The following CEP85L variants were observed in gnomAD, a reference collection of about 807,000 sequenced individuals.
The protein encoded by CEP85L is centrosomal protein of 85 kDa-like.
Under a neutral mutation model 100.3 loss-of-function variants are expected in CEP85L, and 60 were observed. That is an observed-to-expected ratio of 0.60 (90% CI 0.49 to 0.74). The LOEUF is 0.74. Ranked by LOEUF, CEP85L falls within the 30% of genes least tolerant of loss-of-function variation. The pLI is 0.00. For synonymous variants in CEP85L, 319 were observed against 322.7 expected (o/e 0.99, Z 0.12); for missense variants, 973 against 936.2 (o/e 1.04, Z -0.51).
At chr6:118,495,824 A>G (rs1774882227) in intron 5 of CEP85L, among the ~76,000 whole-genome samples, 1 of 152,238 alleles carries the variant, frequency 6.6e-6, no homozygotes, top group African/African-American at 2.4e-5. Flanking sequence ...ATATTGAGGC[A>G]CAGTTGTTAA....
At chr6:118,580,267 C>T (rs1253536748) in intron 2 of CEP85L, among the ~76,000 whole-genome samples, 4 of 152,162 alleles carry the variant, frequency 2.6e-5, no homozygotes, top group African/African-American at 7.2e-5. Context: ...TCCATGTCGT[C>T]GTATTTAAAC....
chr6:118,466,242 G>C (rs775293120), intron 12 of CEP85L, among the ~76,000 whole-genome samples: 1 of 152,156 alleles, frequency 6.6e-6, no homozygotes, highest in African/African-American at 2.4e-5. Flanking sequence ...AAATCAGGCA[G>C]AGCCAGTGAT....
At chr6:118,600,370 T>TGTGTGTGTGTGTGTGTGTGTG (rs58066356) in intron 2 of CEP85L, among the ~76,000 whole-genome samples, 2 of 86,366 alleles carry the variant, frequency 2.3e-5, no homozygotes, top group African/African-American at 4.2e-5. Context: ...TGTGTGTGTG[T>TGTGTGTGTGTGTGTGTGTGTG]AACGCCATGG....
At chr6:118,569,341 C>CAAAAAAAAAAAAAAAAAAAAAAAAAAAA (rs56123225) in intron 2 of CEP85L, among the ~76,000 whole-genome samples, 3 of 68,198 alleles carry the variant, frequency 4.4e-5, no homozygotes, top group African/African-American at 2.0e-4. Flanking sequence ...GACTCTGTCT[C>CAAAAAAAAAAAAAAAAAAAAAAAAAAAA]AAAAAAAAAA....
chr6:118,611,310 C>A (rs1401378967), intron 2 of CEP85L, among the ~76,000 whole-genome samples: 1 of 152,086 alleles, frequency 6.6e-6, no homozygotes, highest in Admixed American at 6.6e-5. Context: ...AACTGTGATA[C>A]ATATGTATAT....
At chr6:118,493,003 C>T (rs145041576) in intron 5 of CEP85L, among the ~76,000 whole-genome samples, 438 of 152,186 alleles carry the variant, frequency 2.9e-3, no homozygotes, top group Non-Finnish European at 5.0e-3. Flanking sequence ...TAATCAGAGA[C>T]ATGAGAAGCC....
chr6:118,693,169 G>A (rs1232422585), intron 1 of CEP85L, among the ~76,000 whole-genome samples: 1 of 152,182 alleles, frequency 6.6e-6, no homozygotes, highest in African/African-American at 2.4e-5. Flanking sequence ...TAAGAATGCT[G>A]CCCATTTGCT....
intron 1 of CEP85L, among the ~76,000 whole-genome samples, chr6:118,689,922 T>TA (rs1234079269): frequency 2.0e-5 from 3 of 151,658 alleles, no homozygotes; most frequent in Non-Finnish European, 4.4e-5. Context: ...CCTGCTTTTT[T>TA]TTTTTTTTTT....
intron 2 of CEP85L, among the ~76,000 whole-genome samples, chr6:118,613,044 TC>T (rs1772756040): frequency 6.6e-6 from 1 of 150,802 alleles, no homozygotes; most frequent in African/African-American, 2.4e-5. Flanking sequence ...CATGGAGAAA[TC>T]CCCTCTACTA....
intron 2 of CEP85L, among the ~76,000 whole-genome samples, chr6:118,601,910 A>G (rs909115531): frequency 1.5e-4 from 23 of 152,266 alleles, no homozygotes; most frequent in Admixed American, 1.2e-3. Flanking sequence ...TATGACCTGT[A>G]GTTTGTACTG....
intron 3 of CEP85L, among the ~76,000 whole-genome samples, chr6:118,552,681 G>A (rs957430862): frequency 3.4e-5 from 5 of 149,138 alleles, no homozygotes; most frequent in African/African-American, 4.9e-5. Context: ...AATTTCCAGC[G>A]TTACTTTTCT....
At chr6:118,680,884 A>AG (rs1776636668) in intron 1 of CEP85L, among the ~76,000 whole-genome samples, 1 of 151,970 alleles carries the variant, frequency 6.6e-6, no homozygotes, top group Admixed American at 6.6e-5. Context: ...TCAAAAAAAA[A>AG]AAGACACTCT....
At chr6:118,474,794 A>G (rs1442275200) in intron 10 of CEP85L, among the ~76,000 whole-genome samples, 1 of 152,180 alleles carries the variant, frequency 6.6e-6, no homozygotes, top group African/African-American at 2.4e-5. Flanking sequence ...GTGATGACAA[A>G]GCCTTAGAGC....
intron 2 of CEP85L, among the ~76,000 whole-genome samples, chr6:118,608,020 T>C (rs553218190): frequency 6.6e-5 from 10 of 152,242 alleles, no homozygotes; most frequent in Non-Finnish European, 1.0e-4. Context: ...AGCAAGTTTA[T>C]TAAGAAAGTA....
chr6:118,472,030 C>G (rs2114445902), intron 10 of CEP85L, among the ~76,000 whole-genome samples: 1 of 151,662 alleles, frequency 6.6e-6, no homozygotes, highest in African/African-American at 2.4e-5. Context: ...ACACACTACT[C>G]AAACTCACAT....
rs1203542120 is a variant in CEP85L at position 118,527,001 on chromosome 6, T to TG, written c.1021-3082_1021-3081insC. Among the ~76,000 whole-genome samples, 13 of 131,312 alleles carry TG rather than the reference T, an allele frequency of 9.9e-5. No individual in the cohort carries two copies. The East Asian group carries it at 2.4e-3, about 24-fold the overall frequency. The allele number at this position is 131,312 out of a possible 152,430, so 86.1% of individuals were successfully genotyped here. On this transcript the variant is annotated intron_variant, in intron 3 of 12. Coordinates refer to ENST00000368491, the MANE Select transcript of CEP85L (RefSeq NM_001042475.3). ...GCCACTGTTTCATTCCTTTACTTTT[T>TG]CTTTTTTTTTTTTTTTTTTTTTTTT...
Position 118,594,347 on chromosome 6 carries a change from C to T in CEP85L, c.233-28031G>A, listed in dbSNP as rs141487851. Among the ~76,000 whole-genome samples, 116 of 152,172 alleles carry T rather than the reference C, an allele frequency of 7.6e-4. 1 individual carries two copies. In the East Asian group the frequency reaches 0.017, roughly 23 times the overall value. On this transcript the variant is annotated intron_variant, in intron 2 of 12. Coordinates refer to ENST00000368491, the MANE Select transcript of CEP85L (RefSeq NM_001042475.3). ...AAATTTATAGTATTCAAGAGCCCTA[C>T]GATTTCTCAGTAAAAACAACCAACT...
intron 2 of CEP85L, among the ~76,000 whole-genome samples, chr6:118,631,456 C>T (rs921962373): frequency 6.6e-6 from 1 of 152,210 alleles, no homozygotes; most frequent in Non-Finnish European, 1.5e-5. Context: ...CCAGCTACTA[C>T]ACTCCTAGGC....
chr6:118,565,807 TA>T lies in CEP85L; in HGVS notation c.741del (p.Arg248GlyfsTer5). The T allele has an allele frequency of 6.2e-7, 1 of 1,614,146 alleles. No homozygotes were observed. Among genetic ancestry groups the T allele is most frequent in the Non-Finnish European group, 8.5e-7 (1 of 1,180,026 alleles). ...TATGTCATGTCTACAGGCTGTCTCC[TA>T]AGAGTAGAGGAAGAGGCTCTAAAGT... ...KEDFRASSSTLRRQPVDMTYS... is the reference protein window; with the variant it reads ...KEDFRASSSTXRRQPVDMTYS... On this transcript the variant is annotated frameshift_variant, in exon 3 of 13. Coordinates refer to ENST00000368491, the MANE Select transcript of CEP85L (RefSeq NM_001042475.3). LOFTEE classifies it high-confidence loss of function.
Sources: allele counts gnomAD v4.1 joint callset (sites outside exome capture counted in the v4.1 genomes callset), GRCh38; gene constraint gnomAD v4.1.1; transcripts MANE v1.5; gene names NCBI Gene and HGNC (gene_info 2026-07-23, HGNC 2026-07-21).